The following ANO3 variants were observed in gnomAD, a reference collection of about 807,000 sequenced individuals.
ANO3 encodes the protein anoctamin 3, also known as anoctamin-3.
ANO3 carries 99 observed loss-of-function variants against 144.8 expected under a neutral mutation model. That is an observed-to-expected ratio of 0.68 (90% CI 0.58 to 0.81). The LOEUF (loss-of-function observed/expected upper bound fraction) is 0.81, where lower values mean the gene tolerates loss of function less well. Ranked by LOEUF, ANO3 falls within the 30% of genes least tolerant of loss-of-function variation. The pLI is 0.00. For missense variants in ANO3, 905 were observed against 1,202.2 expected (o/e 0.75, Z 3.66); for synonymous variants, 414 against 392.6 (o/e 1.05, Z -0.64).
intron 1 of ANO3, among the ~76,000 whole-genome samples, chr11:26,316,591 G>A (rs894582598): frequency 3.9e-5 from 6 of 152,086 alleles, no homozygotes; most frequent in South Asian, 2.1e-4. Flanking sequence ...CTAGACAACC[G>A]GTTAGACCAC....
At chr11:26,498,879 G>A (rs1861076789) in intron 4 of ANO3, among the ~76,000 whole-genome samples, 1 of 151,750 alleles carries the variant, frequency 6.6e-6, no homozygotes, top group South Asian at 2.1e-4. Context: ...ATATCTTTAA[G>A]CTTTGAAAAA....
intron 1 of ANO3, among the ~76,000 whole-genome samples, chr11:26,293,507 G>A (rs1226975803): frequency 7.9e-6 from 1 of 126,500 alleles, no homozygotes; most frequent in African/African-American, 3.0e-5. Context: ...ATCAATTTCA[G>A]TCTAGAGTGG....
chr11:26,215,831 C>T (rs1304763099), intron 1 of ANO3, among the ~76,000 whole-genome samples: 4 of 151,930 alleles, frequency 2.6e-5, no homozygotes, highest in African/African-American at 7.2e-5. Context: ...AGCCTCCTCC[C>T]GTTTTTCTGT....
At chr11:26,237,367 GT>G (rs1301522064) in intron 1 of ANO3, among the ~76,000 whole-genome samples, 1 of 151,758 alleles carries the variant, frequency 6.6e-6, no homozygotes, top group African/African-American at 2.4e-5. Flanking sequence ...ATTTTTAAAA[GT>G]TTTGCTTTCC....
chr11:26,480,096 TAGA>T (rs1289164163), intron 4 of ANO3, among the ~76,000 whole-genome samples: 2 of 152,196 alleles, frequency 1.3e-5, no homozygotes, highest in Admixed American at 6.5e-5. Flanking sequence ...AAATGGGCTG[TAGA>T]AGGAGTACAA....
chr11:26,408,040 G>GTACC (rs1471739548), intron 1 of ANO3, among the ~76,000 whole-genome samples: 2 of 151,852 alleles, frequency 1.3e-5, no homozygotes, highest in Non-Finnish European at 2.9e-5. Context: ...AACCTAGGCA[G>GTACC]TACCATTCAG....
intron 1 of ANO3, among the ~76,000 whole-genome samples, chr11:26,343,587 A>G (rs988768808): frequency 6.6e-6 from 1 of 152,180 alleles, no homozygotes; most frequent in Non-Finnish European, 1.5e-5. Flanking sequence ...TCGTGCATTT[A>G]CATTCTACTT....
intron 5 of ANO3, among the ~76,000 whole-genome samples, chr11:26,509,313 T>A (rs1179386413): frequency 1.3e-5 from 2 of 148,824 alleles, no homozygotes; most frequent in Non-Finnish European, 3.0e-5. Context: ...CCTAAGTTAC[T>A]TTTTTTCTTT....
chr11:26,221,664 T>A (rs1001952428), intron 1 of ANO3, among the ~76,000 whole-genome samples: 2 of 152,178 alleles, frequency 1.3e-5, no homozygotes, highest in African/African-American at 2.4e-5. Flanking sequence ...GGCATTGGCA[T>A]CTACTCAGCT....
chr11:26,509,769 C>T (rs745850536), intron 5 of ANO3, among the ~76,000 whole-genome samples: 5 of 152,140 alleles, frequency 3.3e-5, no homozygotes, highest in Non-Finnish European at 5.9e-5. Context: ...TTTACCCCCA[C>T]AGAACATCTC....
At chr11:26,581,174 G>A (rs1232714597) in intron 14 of ANO3, among the ~76,000 whole-genome samples, 2 of 151,948 alleles carry the variant, frequency 1.3e-5, no homozygotes, top group East Asian at 1.9e-4. Flanking sequence ...TGAGTGAGAT[G>A]GATAATGTTT....
At chr11:26,268,844 A>C (rs1454476905) in intron 1 of ANO3, among the ~76,000 whole-genome samples, 1 of 152,214 alleles carries the variant, frequency 6.6e-6, no homozygotes, top group Middle Eastern at 3.2e-3. Flanking sequence ...CCTAGAAGGC[A>C]GTAAGAATAA....
intron 1 of ANO3, among the ~76,000 whole-genome samples, chr11:26,298,864 A>G (rs1854153168): frequency 6.6e-6 from 1 of 152,182 alleles, no homozygotes; most frequent in South Asian, 2.1e-4. Flanking sequence ...CATCGACTGA[A>G]ATGACAAAAT....
intron 1 of ANO3, among the ~76,000 whole-genome samples, chr11:26,298,980 G>A (rs1485016764): frequency 1.3e-5 from 2 of 152,152 alleles, no homozygotes; most frequent in Non-Finnish European, 2.9e-5. Flanking sequence ...AGACATACAT[G>A]TGGTCTAAAA....
At chr11:26,544,861 G>A (rs1446409932) in intron 11 of ANO3, among the ~76,000 whole-genome samples, 1 of 151,888 alleles carries the variant, frequency 6.6e-6, no homozygotes, top group Non-Finnish European at 1.5e-5. Flanking sequence ...GATGACATAG[G>A]AGGATTTTTT....
rs1034464552 is a variant in ANO3, at chr11:26,624,029, G to A, written c.1837-433G>A. 3.9e-5 allele frequency among the ~76,000 whole-genome samples: 6 copies of A among 151,910 alleles called. No individual in the cohort carries two copies. In the South Asian group the frequency reaches 8.3e-4, roughly 21 times the overall value. On this transcript the variant is annotated intron_variant, in intron 17 of 26. Coordinates refer to ENST00000256737, the MANE Select transcript of ANO3 (RefSeq NM_031418.4). ...TCTCGATCTCCTGACTTCGTGATCCGCCCGCCTAGGCCTCCCAAAGTGCTG... is the reference window on the plus strand; with the variant it reads ...TCTCGATCTCCTGACTTCGTGATCCACCCGCCTAGGCCTCCCAAAGTGCTG...
intron 1 of ANO3, among the ~76,000 whole-genome samples, chr11:26,296,384 T>C (rs1159644263): frequency 6.6e-6 from 1 of 152,122 alleles, no homozygotes; most frequent in Non-Finnish European, 1.5e-5. Flanking sequence ...CTCTCTTCCA[T>C]GCTTTGGGGG....
At chr11:26,544,281 TACACACACACACAC>T (rs34866679) in intron 11 of ANO3, among the ~76,000 whole-genome samples, 144 of 86,780 alleles carry the variant, frequency 1.7e-3, no homozygotes, top group East Asian at 4.2e-3. Flanking sequence ...TATACACACA[TACACACACACACAC>T]ACATATGTAT....
At chr11:26,398,531 A>G (rs1394266261) in intron 1 of ANO3, among the ~76,000 whole-genome samples, 1 of 152,098 alleles carries the variant, frequency 6.6e-6, no homozygotes, top group Non-Finnish European at 1.5e-5. Flanking sequence ...TCATTGAATT[A>G]TATTTCTTCC....
Sources: allele counts gnomAD v4.1 joint callset (sites outside exome capture counted in the v4.1 genomes callset), GRCh38; gene constraint gnomAD v4.1.1; transcripts MANE v1.5; gene names NCBI Gene and HGNC (gene_info 2026-07-23, HGNC 2026-07-21).